Variants in TFEC observed in about 807,000 individuals in gnomAD.
The protein encoded by TFEC is class E basic helix-loop-helix protein 34.
Under a neutral mutation model 41.6 loss-of-function variants are expected in TFEC, and 31 were observed. The observed-to-expected ratio is 0.74, with a 90% CI of 0.56 to 1.01. The LOEUF is 1.01. Ranked by LOEUF, TFEC falls within the 50% of genes least tolerant of loss-of-function variation. The pLI is 0.00. For synonymous variants in TFEC, 143 were observed against 140.6 expected (o/e 1.02, Z -0.12); for missense variants, 402 against 404.1 (o/e 0.99, Z 0.04).
intron 1 of TFEC, among the ~76,000 whole-genome samples, chr7:115,995,398 T>C (rs865951305): frequency 1.3e-5 from 2 of 152,072 alleles, no homozygotes; most frequent in South Asian, 2.1e-4. Context: ...CATATATATA[T>C]ACACACATAT....
At chr7:116,090,432 T>G (rs1797299330) in intron 3 of TFEC, among the ~76,000 whole-genome samples, 1 of 152,106 alleles carries the variant, frequency 6.6e-6, no homozygotes, top group Non-Finnish European at 1.5e-5. Flanking sequence ...AATCTCTGCT[T>G]TTGTTACTTC....
intron 3 of TFEC, among the ~76,000 whole-genome samples, chr7:116,075,165 T>TTGTA (rs1264830986): frequency 6.6e-6 from 1 of 152,194 alleles, no homozygotes; most frequent in African/African-American, 2.4e-5. Flanking sequence ...AACTATTGAA[T>TTGTA]TGTACACTTT....
At chr7:116,156,672 G>C (rs1202323556) in intron 1 of TFEC, among the ~76,000 whole-genome samples, 1 of 152,122 alleles carries the variant, frequency 6.6e-6, no homozygotes, top group African/African-American at 2.4e-5. Flanking sequence ...ACAGTTCCTA[G>C]ATGTAGTCTA....
chr7:116,075,678 A>G (rs1378384531), intron 3 of TFEC, among the ~76,000 whole-genome samples: 1 of 152,068 alleles, frequency 6.6e-6, no homozygotes, highest in African/African-American at 2.4e-5. Context: ...TAGGAACATA[A>G]TTCCATTTTC....
rs369859747 is a variant in TFEC at position 116,152,241 on chromosome 7, C to T, written c.-69+7549G>A. 1.2e-4 allele frequency among the ~76,000 whole-genome samples: 19 copies of T among 152,148 alleles called. No individual in the cohort carries two copies. The East Asian group carries it at 2.7e-3, about 22-fold the overall frequency. Reference sequence around the variant, plus strand: ...AAAGAAAACATATGAAACAATTTTCCGACATGGAACAACAGGCACCACAGA... The same window carrying T: ...AAAGAAAACATATGAAACAATTTTCTGACATGGAACAACAGGCACCACAGA... On this transcript the variant is annotated intron_variant, in intron 1 of 8. Transcript: ENST00000484212.
chr7:116,121,296 C>T (rs1384260171), intron 1 of TFEC: 1 of 151,920 alleles, frequency 6.6e-6, no homozygotes, highest in Non-Finnish European at 1.5e-5. Context: ...AAGCCAGATA[C>T]AGAAAGCTGC....
intron 2 of TFEC, 128 bp downstream of exon 2, chr7:115,984,134 T>C: frequency 8.4e-7 from 1 of 1,190,526 alleles, no homozygotes; most frequent in South Asian, 1.7e-5. Context: ...GAATAATTAA[T>C]TAAAAGCACA....
At chr7:115,990,415 C>T (rs934142966) in intron 1 of TFEC, among the ~76,000 whole-genome samples, 2 of 152,048 alleles carry the variant, frequency 1.3e-5, no homozygotes, top group Non-Finnish European at 2.9e-5. Context: ...TTCAGAAGAT[C>T]GGTAATAACA....
At chr7:116,000,848 T>C (rs986383428) in intron 1 of TFEC, among the ~76,000 whole-genome samples, 1 of 151,794 alleles carries the variant, frequency 6.6e-6, no homozygotes, top group African/African-American at 2.4e-5. Context: ...ATTGGAAGAA[T>C]CAATATTGTT....
chr7:116,141,495 A>G (rs1252929188), intron 1 of TFEC, among the ~76,000 whole-genome samples: 1 of 152,236 alleles, frequency 6.6e-6, no homozygotes, highest in African/African-American at 2.4e-5. Context: ...AAACATGCTC[A>G]GTACAACTGG....
intron 6 of TFEC, among the ~76,000 whole-genome samples, chr7:115,945,227 A>C (rs1034082367): frequency 6.6e-6 from 1 of 150,900 alleles, no homozygotes; most frequent in Non-Finnish European, 1.5e-5. Context: ...TCTCACCCTC[A>C]AAGTAAATTT....
intron 1 of TFEC, among the ~76,000 whole-genome samples, chr7:116,015,313 A>T (rs1321631656): frequency 1.3e-5 from 2 of 152,008 alleles, no homozygotes; most frequent in Admixed American, 1.3e-4. Flanking sequence ...TCAATCCCTC[A>T]ATGTTATTAA....
chr7:116,027,049 T>C (rs893099114), intron 1 of TFEC, among the ~76,000 whole-genome samples: 8 of 152,208 alleles, frequency 5.3e-5, no homozygotes, highest in African/African-American at 1.9e-4. Context: ...AGACCTCAGA[T>C]AGTTCAGTAG....
At chr7:115,976,552 C>G (rs778539743) in intron 2 of TFEC, among the ~76,000 whole-genome samples, 4 of 152,164 alleles carry the variant, frequency 2.6e-5, no homozygotes, top group Non-Finnish European at 5.9e-5. Context: ...TCCTTGTGCA[C>G]AGAGAGATCT....
chr7:115,996,136 C>T (rs1275087811), intron 1 of TFEC, among the ~76,000 whole-genome samples: 1 of 152,120 alleles, frequency 6.6e-6, no homozygotes, highest in Non-Finnish European at 1.5e-5. Flanking sequence ...ACCTATCCCC[C>T]AACCTAAGGC....
chr7:115,980,846 A>C (rs1417183738), intron 2 of TFEC, among the ~76,000 whole-genome samples: 3 of 152,154 alleles, frequency 2.0e-5, no homozygotes, highest in African/African-American at 7.2e-5. Context: ...ATTAATTTAA[A>C]ATACCACCTG....
chr7:115,936,920 C>T lies in TFEC; in HGVS notation c.*3631G>A, dbSNP rs1047774524. ...AAACCTATATAAAGAAAGCCATGGT[C>T]ACTGATATGCCTATAAACTGAGAAA... is the stretch of plus-strand genomic sequence containing the variant. On this transcript the variant is annotated 3_prime_UTR_variant, in exon 8 of 8. Transcript: ENST00000265440. 6.6e-6 allele frequency: 1 copy of T among 151,390 alleles called. No individual in the cohort carries two copies. Among genetic ancestry groups the T allele is most frequent in the Non-Finnish European group, 1.5e-5 (1 of 67,638 alleles). The allele number at this position is 151,390 out of a possible 1,614,324, so 9.4% of individuals were successfully genotyped here. A position where few individuals can be genotyped will look rare whatever the true frequency, so the allele number is the denominator to read the frequency against.
chr7:115,953,351 A>G (rs1192427930), intron 5 of TFEC, among the ~76,000 whole-genome samples: 11 of 152,090 alleles, frequency 7.2e-5, no homozygotes, highest in Admixed American at 7.2e-4. Context: ...TGCTATGATC[A>G]TCACAAGTTT....
In TFEC at chr7:115,961,640, G is replaced by A. The variant is rs573043710; in HGVS notation, c.268-4847C>T. ...TGTTTGAAAAAAAATTAACAAGATT[G>A]ACATGCTTCTGGCAAAACTGATTAA... On this transcript the variant is annotated intron_variant, in intron 3 of 7. Coordinates refer to ENST00000265440, the MANE Select transcript of TFEC (RefSeq NM_012252.4). Among the ~76,000 whole-genome samples the A allele has an allele frequency of 5.3e-5, 8 of 151,662 alleles. No individual in the cohort carries two copies. The South Asian group carries it at 1.7e-3, about 31-fold the overall frequency.
Sources: gnomAD v4.1 joint callset for allele counts (sites outside exome capture counted in the v4.1 genomes callset) on GRCh38, gnomAD v4.1.1 for gene constraint, MANE v1.5 for transcripts, NCBI Gene and HGNC (gene_info 2026-07-23, HGNC 2026-07-21) for gene names.